AAMDC: variants seen among roughly 807,000 people sequenced by gnomAD.
AAMDC encodes the protein mth938 domain-containing protein.
A neutral mutation model predicts 15.5 loss-of-function variants in AAMDC; 16 were observed. The ratio of observed to expected loss-of-function variants is 1.03; its 90% CI spans 0.70 to 1.57. AAMDC has a LOEUF of 1.57. AAMDC is among the 40% of genes most tolerant of loss of function. AAMDC has a pLI of 0.00. For synonymous variants in AAMDC, 51 were observed against 51.6 expected (o/e 0.99, Z 0.05); for missense variants, 141 against 144.9 (o/e 0.97, Z 0.14).
chr11:77,895,612 CAT>C (rs1160780752), intron 5 of AAMDC, among the ~76,000 whole-genome samples: 55 of 142,034 alleles, frequency 3.9e-4, no homozygotes, highest in Admixed American at 1.5e-3. Context: ...AGTGAAATTT[CAT>C]AGTGAGGTTA....
chr11:77,865,070 G>T (rs1292837757), intron 2 of AAMDC, among the ~76,000 whole-genome samples: 1 of 152,046 alleles, frequency 6.6e-6, no homozygotes, highest in African/African-American at 2.4e-5. Context: ...TAAGGTAAAG[G>T]CCCCTATAAT....
intron 5 of AAMDC, among the ~76,000 whole-genome samples, chr11:77,884,188 G>A (rs866335535): frequency 6.6e-6 from 1 of 152,098 alleles, no homozygotes; most frequent in African/African-American, 2.4e-5. Flanking sequence ...TGAACAGAGT[G>A]TCTCTATTAA....
chr11:77,848,787 A>G (rs1950249784), intron 2 of AAMDC, among the ~76,000 whole-genome samples: 1 of 151,816 alleles, frequency 6.6e-6, no homozygotes, highest in Non-Finnish European at 1.5e-5. Context: ...GTTTCTTTCT[A>G]CTACATATTG....
chr11:77,897,831 T>C (rs1055607461), intron 5 of AAMDC, among the ~76,000 whole-genome samples: 4 of 151,794 alleles, frequency 2.6e-5, no homozygotes, highest in African/African-American at 9.7e-5. Flanking sequence ...TTTTAAGACA[T>C]AGGGTCTTGT....
At chr11:77,891,217 C>G (rs2136392029) in intron 5 of AAMDC, 2 of 1,076,200 alleles carry the variant, frequency 1.9e-6, no homozygotes, top group Non-Finnish European at 1.3e-6. Context: ...CTTCTCCTGT[C>G]CCAGTTTCTG....
intron 5 of AAMDC, among the ~76,000 whole-genome samples, chr11:77,896,146 G>A (rs1395780939): frequency 6.6e-6 from 1 of 151,966 alleles, no homozygotes; most frequent in Non-Finnish European, 1.5e-5. Context: ...GTTAACAGGG[G>A]ATTTAAAAGG....
chr11:77,862,796 G>A (rs1462087138), intron 2 of AAMDC, among the ~76,000 whole-genome samples: 4 of 152,198 alleles, frequency 2.6e-5, no homozygotes, highest in African/African-American at 9.7e-5. Flanking sequence ...ACTTCCCTCA[G>A]GAGGCCAGGT....
intron 5 of AAMDC, among the ~76,000 whole-genome samples, chr11:77,881,374 C>T (rs575606513): frequency 2.0e-5 from 3 of 152,192 alleles, no homozygotes; most frequent in Non-Finnish European, 2.9e-5. Context: ...TGAAGGAGCT[C>T]CCTAGAAACT....
intron 2 of AAMDC, among the ~76,000 whole-genome samples, chr11:77,857,955 A>G (rs1262763376): frequency 1.3e-5 from 2 of 152,032 alleles, no homozygotes; most frequent in Non-Finnish European, 2.9e-5. Flanking sequence ...TTGGCCCCCA[A>G]AGTGCTGGGA....
At chr11:77,862,623 G>A (rs551350271) in intron 2 of AAMDC, among the ~76,000 whole-genome samples, 5 of 152,272 alleles carry the variant, frequency 3.3e-5, no homozygotes, top group African/African-American at 4.8e-5. Flanking sequence ...GGGGGACACC[G>A]GAGTAGGGAG....
chr11:77,845,065 T>C (rs1195671243), intron 2 of AAMDC, among the ~76,000 whole-genome samples: 2 of 152,194 alleles, frequency 1.3e-5, no homozygotes, highest in Non-Finnish European at 2.9e-5. Flanking sequence ...CTATGATATG[T>C]CTAGGTATGG....
At chr11:77,873,633 A>C (rs532807059), downstream of AAMDC, among the ~76,000 whole-genome samples, 1 of 152,366 alleles carries the variant, frequency 6.6e-6, no homozygotes, top group Non-Finnish European at 1.5e-5. Context: ...AGAAAGACAA[A>C]TAAGTAAACA....
intron 2 of AAMDC, among the ~76,000 whole-genome samples, chr11:77,858,821 G>A (rs1950751245): frequency 6.6e-6 from 1 of 152,212 alleles, no homozygotes; most frequent in Admixed American, 6.5e-5. Context: ...CTTAGTCATG[G>A]ACTGCATCGG....
At chr11:77,839,714 C>G (rs1016620755) in intron 1 of AAMDC, among the ~76,000 whole-genome samples, 9 of 152,106 alleles carry the variant, frequency 5.9e-5, no homozygotes, top group Non-Finnish European at 7.4e-5. Flanking sequence ...CAGACTAACA[C>G]AGGAACAGAA....
At chr11:77,872,664 T>C (rs574346700), downstream of AAMDC, among the ~76,000 whole-genome samples, 8 of 152,276 alleles carry the variant, frequency 5.3e-5, no homozygotes, top group South Asian at 1.4e-3. Flanking sequence ...ATTTCAACTA[T>C]AGGCCAGGCG....
At chr11:77,870,819 C>T (rs1320359027) in intron 3 of AAMDC, among the ~76,000 whole-genome samples, 5 of 152,096 alleles carry the variant, frequency 3.3e-5, no homozygotes, top group Non-Finnish European at 2.9e-5. Flanking sequence ...TATAGATATA[C>T]GTTTATATAC....
At chr11:77,883,531 T>C (rs1951873872) in intron 5 of AAMDC, among the ~76,000 whole-genome samples, 5 of 152,300 alleles carry the variant, frequency 3.3e-5, no homozygotes, top group Admixed American at 3.3e-4. Flanking sequence ...GCAGTTAGGA[T>C]AAGAATAATC....
chr11:77,893,926 A>AATAAATAT (rs1565227934), intron 5 of AAMDC, among the ~76,000 whole-genome samples: 1 of 151,230 alleles, frequency 6.6e-6, no homozygotes, highest in Non-Finnish European at 1.5e-5. Context: ...TAAATAAATA[A>AATAAATAT]GAATGGTGTG....
intron 5 of AAMDC, among the ~76,000 whole-genome samples, chr11:77,880,977 G>C (rs1456504863): frequency 6.6e-6 from 1 of 152,076 alleles, no homozygotes; most frequent in African/African-American, 2.4e-5. Context: ...ATCCTGCTAA[G>C]GTCAGAGGGA....
Sources: gnomAD v4.1 joint callset for allele counts (sites outside exome capture counted in the v4.1 genomes callset) on GRCh38, gnomAD v4.1.1 for gene constraint, MANE v1.5 for transcripts, NCBI Gene and HGNC (gene_info 2026-07-23, HGNC 2026-07-21) for gene names.